TBC1D22A: variants seen among roughly 807,000 people sequenced by gnomAD.
TBC1D22A encodes the protein putative GTPase activator.
In TBC1D22A, 38 loss-of-function variants were observed where a neutral mutation model predicts 60.2. The observed-to-expected ratio is 0.63, with a 90% CI of 0.49 to 0.83. TBC1D22A has a LOEUF of 0.83. Among genes scored for constraint, TBC1D22A ranks in the 40% least tolerant of loss-of-function variants. The pLI, the probability that TBC1D22A is intolerant of heterozygous loss-of-function variation, is 0.00. For synonymous variants in TBC1D22A, 302 were observed against 281.7 expected, an observed-to-expected ratio of 1.07 and a Z score of -0.72; for missense variants, 628 against 701.0, an observed-to-expected ratio of 0.90 and a Z score of 1.18.
chr22:46,917,414 A>C (rs532395034), intron 8 of TBC1D22A, among the ~76,000 whole-genome samples: 1 of 152,084 alleles, frequency 6.6e-6, no homozygotes, highest in South Asian at 2.1e-4. Context: ...CTGGATGTCA[A>C]ATAGGCTGCT....
intron 7 of TBC1D22A, among the ~76,000 whole-genome samples, chr22:46,902,392 T>C (rs1007883093): frequency 4.6e-5 from 7 of 152,274 alleles, no homozygotes; most frequent in African/African-American, 1.4e-4. Context: ...ATTCCCACTC[T>C]CTAACAAAGA....
At chr22:46,881,452 G>T (rs545510612) in intron 5 of TBC1D22A, among the ~76,000 whole-genome samples, 1 of 152,270 alleles carries the variant, frequency 6.6e-6, no homozygotes, top group South Asian at 2.1e-4. Flanking sequence ...ATTCTCTCAG[G>T]ATCTTATTCC....
chr22:47,071,553 C>A (rs8139100), intron 11 of TBC1D22A, among the ~76,000 whole-genome samples: 28,168 of 152,204 alleles, frequency 0.19, 3,209 homozygotes, highest in African/African-American at 0.32. Flanking sequence ...TTTGCTTTCA[C>A]AATCAAAGTT....
chr22:47,003,925 C>T (rs2061490412), intron 10 of TBC1D22A, among the ~76,000 whole-genome samples: 1 of 145,694 alleles, frequency 6.9e-6, no homozygotes, highest in African/African-American at 2.6e-5. Context: ...ACACCCTACG[C>T]ACGCATGCCT....
At chr22:46,940,879 T>G (rs56900169) in intron 8 of TBC1D22A, among the ~76,000 whole-genome samples, 13,801 of 119,498 alleles carry the variant, frequency 0.12, 709 homozygotes, top group African/African-American at 0.2. Flanking sequence ...AGTCCACCCT[T>G]GAACAGCATG....
intron 4 of TBC1D22A, among the ~76,000 whole-genome samples, chr22:46,807,999 T>C (rs1569066921): frequency 6.6e-6 from 1 of 151,310 alleles, no homozygotes; most frequent in Non-Finnish European, 1.5e-5. Flanking sequence ...AAAAAGAAAC[T>C]TGGTACAGGA....
At chr22:47,086,008 A>C (rs1246386174) in intron 11 of TBC1D22A, among the ~76,000 whole-genome samples, 1 of 152,258 alleles carries the variant, frequency 6.6e-6, no homozygotes, top group Non-Finnish European at 1.5e-5. Context: ...TAGATTAAGC[A>C]TTTGAAGCAT....
chr22:46,953,941 T>C (rs551504390), intron 8 of TBC1D22A, among the ~76,000 whole-genome samples: 1 of 152,334 alleles, frequency 6.6e-6, no homozygotes, highest in African/African-American at 2.4e-5. Context: ...GTTGATCAGG[T>C]TAACTGATTT....
At chr22:47,088,914 AGGATCC>A (rs1195727171) in intron 11 of TBC1D22A, among the ~76,000 whole-genome samples, 1 of 152,200 alleles carries the variant, frequency 6.6e-6, no homozygotes, top group African/African-American at 2.4e-5. Context: ...CCATCTGCAT[AGGATCC>A]AGCCTTTAGA....
At chr22:46,881,020 G>A (rs1469417607) in intron 5 of TBC1D22A, among the ~76,000 whole-genome samples, 1 of 152,126 alleles carries the variant, frequency 6.6e-6, no homozygotes, top group Non-Finnish European at 1.5e-5. Flanking sequence ...CTCTCTGCTA[G>A]TGGGAAGTGG....
chr22:47,068,933 G>A (rs1026234333), intron 11 of TBC1D22A, among the ~76,000 whole-genome samples: 4 of 152,150 alleles, frequency 2.6e-5, no homozygotes, highest in African/African-American at 7.2e-5. Context: ...AGGTGAAGGC[G>A]AGAATTAGTT....
rs1569207422 is a variant in TBC1D22A at position 46,909,035 on chromosome 22, CTTG to C, written c.901-3034_901-3032del. 2.6e-5 allele frequency among the ~76,000 whole-genome samples: 4 copies of C among 152,292 alleles called. No individual in the cohort carries two copies. In the South Asian group the frequency reaches 8.3e-4, roughly 32 times the overall value. On this transcript the variant is annotated intron_variant, in intron 7 of 12. Transcript: ENST00000337137. ...TTTCATGGTCCACAGAGCCCGGGAG[CTTG>C]TTGTGCCGAGAGGACTTGGGCTCCC...
At chr22:46,898,818 G>A (rs1184709710) in intron 7 of TBC1D22A, among the ~76,000 whole-genome samples, 1 of 152,168 alleles carries the variant, frequency 6.6e-6, no homozygotes, top group African/African-American at 2.4e-5. Context: ...ATCTTATTTT[G>A]GAACCAAAAG....
intron 11 of TBC1D22A, among the ~76,000 whole-genome samples, chr22:47,104,061 C>T (rs568331593): frequency 3.2e-4 from 49 of 152,290 alleles, no homozygotes; most frequent in African/African-American, 8.7e-4. Context: ...AATCTCAGCA[C>T]TTTGGGAGGC....
intron 12 of TBC1D22A, among the ~76,000 whole-genome samples, chr22:47,147,140 C>T (rs539831344): frequency 8.5e-4 from 129 of 152,308 alleles, no homozygotes; most frequent in African/African-American, 3.0e-3. Flanking sequence ...GGTCAGGCCT[C>T]GGCGGGTGGC....
chr22:46,852,713 C>G (rs1279885825), intron 4 of TBC1D22A, among the ~76,000 whole-genome samples: 1 of 152,184 alleles, frequency 6.6e-6, no homozygotes. Context: ...AATCTATTGA[C>G]TCCTGTCTCT....
chr22:47,008,698 T>C (rs958144762), intron 10 of TBC1D22A, among the ~76,000 whole-genome samples: 10 of 152,210 alleles, frequency 6.6e-5, no homozygotes, highest in East Asian at 5.8e-4. Context: ...TGCTTCCTGA[T>C]GATCTCAGGG....
intron 12 of TBC1D22A, among the ~76,000 whole-genome samples, chr22:47,131,153 CA>C (rs2066664728): frequency 6.6e-6 from 1 of 152,230 alleles, no homozygotes; most frequent in African/African-American, 2.4e-5. Context: ...GAACCACCTC[CA>C]TGACCCAGAT....
chr22:47,095,660 G>T (rs1055245905), intron 11 of TBC1D22A, among the ~76,000 whole-genome samples: 4 of 152,220 alleles, frequency 2.6e-5, no homozygotes, highest in African/African-American at 9.7e-5. Flanking sequence ...GGAGCAGCTC[G>T]GCTCTGTCCT....
Sources: gnomAD v4.1 joint callset for allele counts (sites outside exome capture counted in the v4.1 genomes callset) on GRCh38, gnomAD v4.1.1 for gene constraint, MANE v1.5 for transcripts, NCBI Gene and HGNC (gene_info 2026-07-23, HGNC 2026-07-21) for gene names.